The following KCNQ3 variants were observed in gnomAD, a reference collection of about 807,000 sequenced individuals.
The protein encoded by KCNQ3 is potassium voltage-gated channel subfamily Q member 3.
In KCNQ3, 30 loss-of-function variants were observed where a neutral mutation model predicts 92.5. The ratio of observed to expected loss-of-function variants is 0.32; its 90% CI spans 0.24 to 0.44. KCNQ3 has a LOEUF of 0.44. KCNQ3 is among the 20% of genes least tolerant of loss of function. The pLI, the probability that KCNQ3 is intolerant of heterozygous loss-of-function variation, is 1.00. For missense variants in KCNQ3, 913 were observed against 1,140.3 expected, an observed-to-expected ratio of 0.80 and a Z score of 2.87; for synonymous variants, 450 against 468.8, an observed-to-expected ratio of 0.96 and a Z score of 0.52.
rs180854149 is a variant in KCNQ3, at chr8:132,160,863, C to T, written c.1262+2605G>A. Reference sequence around the variant, plus strand: ...CTTCTACCGTGGGCTTACTAGGGGCCGAGCGTTATAAAGTATATATGCTTT... The same window carrying T: ...CTTCTACCGTGGGCTTACTAGGGGCTGAGCGTTATAAAGTATATATGCTTT... On this transcript the variant is annotated intron_variant, in intron 9 of 14. Coordinates refer to ENST00000388996, the MANE Select transcript of KCNQ3 (RefSeq NM_004519.4). Among the ~76,000 whole-genome samples the T allele has an allele frequency of 2.4e-4, 37 of 151,920 alleles. 1 individual carries two copies. The highest frequency in any genetic ancestry group is 1.8e-3 in the Admixed American group (27 of 15,252).
At chr8:132,214,515 C>A (rs1295830665) in intron 1 of KCNQ3, among the ~76,000 whole-genome samples, 3 of 152,174 alleles carry the variant, frequency 2.0e-5, no homozygotes, top group South Asian at 2.1e-4. Flanking sequence ...GGCAACCCTG[C>A]CTGTTTGTTC....
At chr8:132,421,496 A>T (rs1820965602) in intron 1 of KCNQ3, among the ~76,000 whole-genome samples, 1 of 151,910 alleles carries the variant, frequency 6.6e-6, no homozygotes, top group Admixed American at 6.5e-5. Flanking sequence ...GAGCAGAGGA[A>T]AGACAGGTTA....
chr8:132,316,138 T>A (rs1817736270), intron 1 of KCNQ3, among the ~76,000 whole-genome samples: 1 of 152,182 alleles, frequency 6.6e-6, no homozygotes, highest in Non-Finnish European at 1.5e-5. Context: ...AGACTACATT[T>A]GTCCCCAGAT....
intron 1 of KCNQ3, among the ~76,000 whole-genome samples, chr8:132,304,185 C>A (rs1586911700): frequency 6.6e-6 from 1 of 152,110 alleles, no homozygotes; most frequent in East Asian, 1.9e-4. Flanking sequence ...AATGAGAAAT[C>A]ACCTATTGGG....
At chr8:132,284,159 T>C (rs1028698198) in intron 1 of KCNQ3, among the ~76,000 whole-genome samples, 4 of 152,186 alleles carry the variant, frequency 2.6e-5, no homozygotes, top group African/African-American at 4.8e-5. Flanking sequence ...ATTGTGCACA[T>C]GTGCCCTAAA....
At chr8:132,378,885 A>G (rs772098559) in intron 1 of KCNQ3, among the ~76,000 whole-genome samples, 1 of 152,242 alleles carries the variant, frequency 6.6e-6, no homozygotes, top group Non-Finnish European at 1.5e-5. Context: ...GTTTCCAAAC[A>G]TAATTGCAGA....
rs193289802 is a variant in KCNQ3 at position 132,205,687 on chromosome 8, A to G, written c.387-19506T>C. ...TAGCCTCCTTATTTGTAAGTTGGTG[A>G]CAGCAGTGTCCACTATGTGAGACTA... On this transcript the variant is annotated intron_variant, in intron 1 of 14. Coordinates refer to ENST00000388996, the MANE Select transcript of KCNQ3 (RefSeq NM_004519.4). Among the ~76,000 whole-genome samples, 4 of 152,330 alleles carry G rather than the reference A, an allele frequency of 2.6e-5. No homozygotes were observed. The East Asian group carries it at 7.7e-4, about 29-fold the overall frequency.
At chr8:132,187,463 G>A (rs1345318056) in intron 1 of KCNQ3, among the ~76,000 whole-genome samples, 3 of 152,178 alleles carry the variant, frequency 2.0e-5, no homozygotes, top group Non-Finnish European at 1.5e-5. Flanking sequence ...TAAACCTGCT[G>A]ATCTTCAGAC....
intron 1 of KCNQ3, among the ~76,000 whole-genome samples, chr8:132,266,408 T>C (rs960510086): frequency 1.1e-4 from 16 of 152,220 alleles, no homozygotes; most frequent in Non-Finnish European, 1.9e-4. Flanking sequence ...AGTTACTCTG[T>C]AAACGAGATA....
At chr8:132,236,262 G>A (rs190915830) in intron 1 of KCNQ3, among the ~76,000 whole-genome samples, 37 of 152,278 alleles carry the variant, frequency 2.4e-4, no homozygotes, top group Non-Finnish European at 4.3e-4. Flanking sequence ...ATCTTCCAGG[G>A]AGTGAACATT....
intron 9 of KCNQ3, among the ~76,000 whole-genome samples, chr8:132,158,449 T>C (rs1225696256): frequency 6.7e-6 from 1 of 149,898 alleles, no homozygotes; most frequent in Non-Finnish European, 1.5e-5. Flanking sequence ...TCTGTGCCTT[T>C]TCTTGCCTCT....
chr8:132,324,774 C>T (rs919330947), intron 1 of KCNQ3, among the ~76,000 whole-genome samples: 1 of 152,142 alleles, frequency 6.6e-6, no homozygotes, highest in African/African-American at 2.4e-5. Flanking sequence ...CCCAGGGTCT[C>T]CCAGTGAGCT....
intron 1 of KCNQ3, among the ~76,000 whole-genome samples, chr8:132,224,079 C>CTCTTTTTTTT (rs1334898354): frequency 1.8e-5 from 1 of 54,110 alleles, no homozygotes; most frequent in Non-Finnish European, 4.8e-5. Flanking sequence ...TCATGCCAGG[C>CTCTTTTTTTT]TATTTTTTTT....
At chr8:132,257,493 C>T (rs1297086270) in intron 1 of KCNQ3, among the ~76,000 whole-genome samples, 1 of 151,996 alleles carries the variant, frequency 6.6e-6, no homozygotes, top group African/African-American at 2.4e-5. Context: ...TGCCTGTAAT[C>T]CCAGTACTTT....
intron 14 of KCNQ3, among the ~76,000 whole-genome samples, chr8:132,130,782 C>T (rs1431570174): frequency 6.6e-6 from 1 of 152,180 alleles, no homozygotes; most frequent in Non-Finnish European, 1.5e-5. Flanking sequence ...AACTGAAGAC[C>T]CTACCTAGCA....
chr8:132,350,254 A>G (rs533870830), intron 1 of KCNQ3, among the ~76,000 whole-genome samples: 11 of 152,014 alleles, frequency 7.2e-5, no homozygotes, highest in Non-Finnish European at 1.6e-4. Context: ...GTTCCTTCCA[A>G]GAGAAAATGT....
chr8:132,247,042 T>C (rs1299940166), intron 1 of KCNQ3, among the ~76,000 whole-genome samples: 1 of 152,214 alleles, frequency 6.6e-6, no homozygotes. Context: ...CAACACCTGA[T>C]AGTCTCTCTA....
At chr8:132,266,792 T>C (rs1044349753) in intron 1 of KCNQ3, among the ~76,000 whole-genome samples, 2 of 152,184 alleles carry the variant, frequency 1.3e-5, no homozygotes, top group African/African-American at 2.4e-5. Context: ...CTAGCAAGCT[T>C]CCCAGGTGAT....
intron 1 of KCNQ3, among the ~76,000 whole-genome samples, chr8:132,340,613 G>T (rs1201648981): frequency 6.6e-6 from 1 of 152,044 alleles, no homozygotes; most frequent in Admixed American, 6.5e-5. Flanking sequence ...GCCTATTGGG[G>T]GGTGGTGGGG....
Sources: allele counts gnomAD v4.1 joint callset (sites outside exome capture counted in the v4.1 genomes callset), GRCh38; gene constraint gnomAD v4.1.1; transcripts MANE v1.5; gene names NCBI Gene and HGNC (gene_info 2026-07-23, HGNC 2026-07-21).